TRIM2: variants seen among roughly 807,000 people sequenced by gnomAD.
The protein encoded by TRIM2 is tripartite motif containing 2, also known as tripartite motif-containing protein 2.
Under a neutral mutation model 75.2 loss-of-function variants are expected in TRIM2, and 20 were observed. The ratio of observed to expected loss-of-function variants is 0.27; its 90% CI spans 0.19 to 0.39. The LOEUF (loss-of-function observed/expected upper bound fraction) is 0.39, where lower values mean the gene tolerates loss of function less well. Among genes scored for constraint, TRIM2 ranks in the 10% least tolerant of loss-of-function variants. TRIM2 has a pLI of 1.00. For synonymous variants in TRIM2, 373 were observed against 388.3 expected (o/e 0.96, Z 0.46); for missense variants, 660 against 990.8 (o/e 0.67, Z 4.48).
At chr4:153,231,107 CAT>C (rs1408232012) in intron 1 of TRIM2, among the ~76,000 whole-genome samples, 1 of 152,138 alleles carries the variant, frequency 6.6e-6, no homozygotes, top group Non-Finnish European at 1.5e-5. Context: ...GATTGGTTGA[CAT>C]ATGATAAATG....
rs974218874 is a variant in TRIM2 at position 153,337,638 on chromosome 4, T to C, written c.*2672T>C. ...GAAAGTGCTGCTGATATGATACAAGTAGACAAAATTTAAATGAAATTTTGT... is the reference window on the plus strand; with the variant it reads ...GAAAGTGCTGCTGATATGATACAAGCAGACAAAATTTAAATGAAATTTTGT... On this transcript the variant is annotated 3_prime_UTR_variant, in exon 12 of 12. Coordinates refer to ENST00000338700, the MANE Select transcript of TRIM2 (RefSeq NM_015271.5). 2 of 985,850 alleles carry C rather than the reference T, an allele frequency of 2.0e-6. No individual in the cohort carries two copies. The highest frequency in any genetic ancestry group is 1.1e-4 in the East Asian group (1 of 8,818). 61.1% of individuals were successfully genotyped at this position (985,850 alleles called of 1,614,324 possible). A position where few individuals can be genotyped will look rare whatever the true frequency, so the allele number is the denominator to read the frequency against.
chr4:153,160,049 T>C (rs1729601075), intron 1 of TRIM2, among the ~76,000 whole-genome samples: 1 of 152,218 alleles, frequency 6.6e-6, no homozygotes. Flanking sequence ...TTTCCATTGT[T>C]ATATCTCTAT....
rs573960386 is a variant in TRIM2 at position 153,191,733 on chromosome 4, T to G, written c.-49+38463T>G. Among the ~76,000 whole-genome samples, 9 of 152,332 alleles carry G rather than the reference T, an allele frequency of 5.9e-5. No homozygotes were observed. The South Asian group carries it at 1.5e-3, about 25-fold the overall frequency. On this transcript the variant is annotated intron_variant, in intron 1 of 11. Transcript: ENST00000437508. The stretch of plus-strand genomic sequence containing the variant: ...GAGCCTGATGACAAGGTTGAAAGGA[T>G]TTTTGTTTTCATAAGCTTCTTCATT...
At chr4:153,174,071 G>T (rs1731155657) in intron 1 of TRIM2, among the ~76,000 whole-genome samples, 1 of 48,980 alleles carries the variant, frequency 2.0e-5, no homozygotes, top group African/African-American at 1.2e-4. Context: ...CAGGCCCCCG[G>T]GTGGGAATAG....
intron 3 of TRIM2, among the ~76,000 whole-genome samples, chr4:153,280,424 G>A (rs374626677): frequency 2.4e-5 from 3 of 125,884 alleles, no homozygotes; most frequent in East Asian, 4.3e-4. Flanking sequence ...CTGTCACCAA[G>A]GCTAGAGTGC....
At chr4:153,221,901 GGAAGGAAGGGAGGGAGGGAGAGGGAGA>G (rs1740338534) in intron 1 of TRIM2, among the ~76,000 whole-genome samples, 1 of 102,238 alleles carries the variant, frequency 9.8e-6, no homozygotes, top group Non-Finnish European at 2.1e-5. Flanking sequence ...GAAGGAGGGA[GGAAGGAAGGGAGGGAGGGAGAGGGAGA>G]AAAGGAACGA....
rs1762035444 is a variant in TRIM2, at chr4:153,292,556, G to T, written c.454-426G>T. Among the ~76,000 whole-genome samples the T allele has an allele frequency of 2.6e-5, 4 of 152,160 alleles. No homozygotes were observed. In the South Asian group the frequency reaches 8.3e-4, roughly 32 times the overall value. On this transcript the variant is annotated intron_variant, in intron 3 of 11. Transcript: ENST00000338700. The stretch of plus-strand genomic sequence containing the variant: ...TCCTCCAGCCTTGGCCTCCCAAAGT[G>T]CTGGGATTATAGGCATACGCCACTG...
chr4:153,185,323 G>A (rs1196818078), intron 1 of TRIM2, among the ~76,000 whole-genome samples: 3 of 152,174 alleles, frequency 2.0e-5, no homozygotes, highest in Non-Finnish European at 2.9e-5. Flanking sequence ...CCGTCAGAGA[G>A]CTATTCACTC....
At chr4:153,301,190 C>CAA (rs796141705) in intron 6 of TRIM2, among the ~76,000 whole-genome samples, 4 of 138,290 alleles carry the variant, frequency 2.9e-5, no homozygotes, top group African/African-American at 5.3e-5. Flanking sequence ...GACTCTATCT[C>CAA]AAAAAAAAAA....
chr4:153,330,965 T>C (rs1771345267), intron 11 of TRIM2, among the ~76,000 whole-genome samples: 1 of 152,166 alleles, frequency 6.6e-6, no homozygotes, highest in Non-Finnish European at 1.5e-5. Context: ...CCAAAGAATC[T>C]ATAAAAACAG....
At position 153,336,678 on chromosome 4, in the gene TRIM2, T is replaced by C. The variant is rs151238468; in HGVS notation, c.*1712T>C. 1.8e-5 allele frequency: 18 copies of C among 984,950 alleles called. No homozygotes were observed. Among genetic ancestry groups the C allele is most frequent in the Non-Finnish European group, 2.1e-5 (17 of 829,208 alleles). 61.0% of individuals were successfully genotyped at this position (984,950 alleles called of 1,614,324 possible). A position where few individuals can be genotyped will look rare whatever the true frequency, so the allele number is the denominator to read the frequency against. On this transcript the variant is annotated 3_prime_UTR_variant, in exon 12 of 12. Coordinates refer to ENST00000338700, the MANE Select transcript of TRIM2 (RefSeq NM_015271.5). ...ATAATTATATGAATGTGATGTTTAT[T>C]GCTTATTAATTTATAATTCAGTCAT...
chr4:153,322,936 T>C, intron 9 of TRIM2, 120 bp downstream of exon 9: 2 of 1,343,438 alleles, frequency 1.5e-6, no homozygotes, highest in East Asian at 4.9e-5. Flanking sequence ...TTGGGAAAGA[T>C]GCTGGGGATA....
intron 1 of TRIM2, among the ~76,000 whole-genome samples, chr4:153,185,398 G>A (rs1391842477): frequency 2.0e-5 from 3 of 151,628 alleles, no homozygotes; most frequent in African/African-American, 7.3e-5. Flanking sequence ...TTTACACCAT[G>A]TTTACTCAGT....
At chr4:153,308,056 G>A in intron 6 of TRIM2, 1 of 788,710 alleles carries the variant, frequency 1.3e-6, no homozygotes, top group Non-Finnish European at 2.3e-6. Flanking sequence ...ATGTCATAAG[G>A]ACTGTAGCTC....
chr4:153,152,267 C>T (rs1404148645), upstream of TRIM2: 1 of 152,022 alleles, frequency 6.6e-6, no homozygotes, highest in Non-Finnish European at 1.5e-5. Context: ...CGGGAAACCA[C>T]CCCCCGCAGA....
At chr4:153,204,808 C>T (rs916677809) in intron 1 of TRIM2, among the ~76,000 whole-genome samples, 1 of 152,136 alleles carries the variant, frequency 6.6e-6, no homozygotes, top group Non-Finnish European at 1.5e-5. Context: ...ACCAAAGCAA[C>T]ATGAATGTGG....
At chr4:153,240,096 A>G (rs1447807341) in intron 1 of TRIM2, among the ~76,000 whole-genome samples, 1 of 152,012 alleles carries the variant, frequency 6.6e-6, no homozygotes, top group African/African-American at 2.4e-5. Flanking sequence ...AGCCTCCCAA[A>G]ATGCTGGGAT....
intron 4 of TRIM2, 96 bp from the exon 5 acceptor site, chr4:153,294,209 G>A (rs148112122): frequency 1.6e-5 from 20 of 1,232,368 alleles, no homozygotes; most frequent in African/African-American, 1.5e-5. Context: ...ATGATGAAAG[G>A]CATAGAATTT....
intron 1 of TRIM2, among the ~76,000 whole-genome samples, chr4:153,187,248 A>C (rs568043217): frequency 2.0e-4 from 30 of 152,318 alleles, no homozygotes; most frequent in African/African-American, 7.0e-4. Context: ...GGATGAAAAA[A>C]AATTTGTAGA....
Sources: gnomAD v4.1 joint callset for allele counts (sites outside exome capture counted in the v4.1 genomes callset) on GRCh38, gnomAD v4.1.1 for gene constraint, MANE v1.5 for transcripts, NCBI Gene and HGNC (gene_info 2026-07-23, HGNC 2026-07-21) for gene names.